The following DAB1 variants were observed in gnomAD, a reference collection of about 807,000 sequenced individuals.
The protein encoded by DAB1 is DAB adaptor protein 1, also known as disabled homolog 1.
A neutral mutation model predicts 64.6 loss-of-function variants in DAB1; 15 were observed. That is an observed-to-expected ratio of 0.23 (90% CI 0.16 to 0.36). The LOEUF (loss-of-function observed/expected upper bound fraction) is 0.36. Ranked by LOEUF, DAB1 falls within the 10% of genes least tolerant of loss-of-function variation. DAB1 has a pLI of 1.00. For missense variants in DAB1, 596 were observed against 706.7 expected (o/e 0.84, Z 1.78); for synonymous variants, 235 against 251.9 (o/e 0.93, Z 0.64).
In DAB1 at chr1:58,045,687, G is replaced by A. The variant is rs7520909; in HGVS notation, n.387+104824C>T. Among the ~76,000 whole-genome samples the A allele has an allele frequency of 5.8e-3, 883 of 152,202 alleles. 11 individuals carry two copies. The highest frequency in any genetic ancestry group is 0.02 in the African/African-American group (843 of 41,526). On this transcript the variant is annotated intron_variant and non_coding_transcript_variant, in intron 5 of 20. Transcript: ENST00000485760. ...TCTTTTTAGACTATGTGCTGAAAGA[G>A]GTAGAAATCCATACTCACTCACCCC...
intron 7 of DAB1, among the ~76,000 whole-genome samples, chr1:57,543,294 G>A (rs1644823252): frequency 6.6e-6 from 1 of 152,088 alleles, no homozygotes; most frequent in African/African-American, 2.4e-5. Context: ...TCAGGCCCTG[G>A]TTTTGCTCTT....
intron 7 of DAB1, among the ~76,000 whole-genome samples, chr1:57,618,559 A>G (rs947874211): frequency 6.6e-6 from 1 of 152,132 alleles, no homozygotes; most frequent in East Asian, 1.9e-4. Context: ...TGATTCCTAA[A>G]CAGTGCACCT....
intron 6 of DAB1, among the ~76,000 whole-genome samples, chr1:57,694,965 C>T (rs186810095): frequency 9.3e-4 from 142 of 152,084 alleles, no homozygotes; most frequent in African/African-American, 1.6e-3. Context: ...CCCTTAATTC[C>T]AACAAATACC....
intron 5 of DAB1, among the ~76,000 whole-genome samples, chr1:57,982,274 C>G (rs766927260): frequency 1.3e-5 from 2 of 152,200 alleles, no homozygotes; most frequent in Non-Finnish European, 2.9e-5. Context: ...TCCTTTAGAA[C>G]AGAACCCATT....
chr1:57,073,477 G>A (rs1475091985), intron 4 of DAB1, among the ~76,000 whole-genome samples: 1 of 152,122 alleles, frequency 6.6e-6, no homozygotes, highest in East Asian at 1.9e-4. Flanking sequence ...TGATCTTAAC[G>A]GTTATTTTCC....
At chr1:57,433,563 G>T (rs1685587990) in intron 7 of DAB1, among the ~76,000 whole-genome samples, 1 of 152,090 alleles carries the variant, frequency 6.6e-6, no homozygotes, top group African/African-American at 2.4e-5. Context: ...TTCTGGAAGA[G>T]AACCTTGGAA....
chr1:57,901,931 T>G (rs2101996027), intron 5 of DAB1, among the ~76,000 whole-genome samples: 1 of 152,118 alleles, frequency 6.6e-6, no homozygotes, highest in Admixed American at 6.6e-5. Flanking sequence ...TAAAACATTC[T>G]TTGTATTAAA....
At chr1:57,697,751 T>C (rs1646862094) in intron 6 of DAB1, among the ~76,000 whole-genome samples, 3 of 152,202 alleles carry the variant, frequency 2.0e-5, no homozygotes, top group Non-Finnish European at 4.4e-5. Flanking sequence ...ACCTAGGAAC[T>C]GCCACTAGGC....
intron 2 of DAB1, among the ~76,000 whole-genome samples, chr1:57,185,326 G>C (rs1663426285): frequency 6.6e-6 from 1 of 152,170 alleles, no homozygotes; most frequent in Admixed American, 6.5e-5. Flanking sequence ...CTGAAGACCA[G>C]TTACAACAAG....
chr1:57,376,956 T>A (rs1680944319), intron 1 of DAB1, among the ~76,000 whole-genome samples: 1 of 152,158 alleles, frequency 6.6e-6, no homozygotes, highest in African/African-American at 2.4e-5. Context: ...GATGACAGAA[T>A]CTGGCAGAAA....
At chr1:58,025,645 AT>A in intron 5 of DAB1, among the ~76,000 whole-genome samples, 1 of 79,304 alleles carries the variant, frequency 1.3e-5, no homozygotes, top group Non-Finnish European at 2.9e-5. Flanking sequence ...TTATATATAT[AT>A]GTGTGTATAT....
chr1:57,709,168 C>A (rs115606721), intron 6 of DAB1, among the ~76,000 whole-genome samples: 1,668 of 152,122 alleles, frequency 0.011, 28 homozygotes, highest in African/African-American at 0.039. Flanking sequence ...CTTTTAAAGT[C>A]TTTTTAAATA....
chr1:58,075,551 G>C (rs183603386), intron 5 of DAB1, among the ~76,000 whole-genome samples: 1 of 152,322 alleles, frequency 6.6e-6, no homozygotes, highest in Non-Finnish European at 1.5e-5. Flanking sequence ...CCTATAGAAG[G>C]AGCAAAACCT....
At chr1:58,136,157 C>A (rs147249668) in intron 5 of DAB1, among the ~76,000 whole-genome samples, 2 of 152,324 alleles carry the variant, frequency 1.3e-5, no homozygotes, top group East Asian at 3.9e-4. Flanking sequence ...AGCAGGTCAT[C>A]TGAAACTAAA....
At chr1:57,008,111 C>T (rs192887746) in intron 14 of DAB1, among the ~76,000 whole-genome samples, 5 of 152,304 alleles carry the variant, frequency 3.3e-5, no homozygotes, top group East Asian at 3.9e-4. Flanking sequence ...GTCCAGCCCT[C>T]CTCTGGAGCT....
At chr1:58,294,358 A>T (rs1661919001) in intron 4 of DAB1, among the ~76,000 whole-genome samples, 1 of 152,200 alleles carries the variant, frequency 6.6e-6, no homozygotes, top group African/African-American at 2.4e-5. Context: ...AAGTCGCTGA[A>T]GGGAAATTTT....
At chr1:57,923,079 G>A (rs934726107) in intron 5 of DAB1, among the ~76,000 whole-genome samples, 2 of 151,344 alleles carry the variant, frequency 1.3e-5, no homozygotes, top group Admixed American at 6.6e-5. Context: ...GGAGACTCAG[G>A]TTGAAACCCT....
intron 7 of DAB1, among the ~76,000 whole-genome samples, chr1:57,547,372 C>G (rs1414190229): frequency 6.6e-6 from 1 of 152,148 alleles, no homozygotes; most frequent in Non-Finnish European, 1.5e-5. Context: ...ATTTGAATCT[C>G]TTTAGAACTA....
intron 9 of DAB1, among the ~76,000 whole-genome samples, chr1:57,035,188 T>A (rs1409535258): frequency 6.6e-6 from 1 of 152,194 alleles, no homozygotes; most frequent in Non-Finnish European, 1.5e-5. Context: ...TGTCGCTACA[T>A]CCTTTATAAA....
Sources: allele counts gnomAD v4.1 joint callset (sites outside exome capture counted in the v4.1 genomes callset), GRCh38; gene constraint gnomAD v4.1.1; transcripts MANE v1.5; gene names NCBI Gene and HGNC (gene_info 2026-07-23, HGNC 2026-07-21).